The following PHF20 variants were observed in gnomAD, a reference collection of about 807,000 sequenced individuals.
PHF20 encodes the protein glioma-expressed antigen 2.
In PHF20, 23 loss-of-function variants were observed where a neutral mutation model predicts 113.5. That is an observed-to-expected ratio of 0.20 (90% confidence interval 0.15 to 0.29). The LOEUF (loss-of-function observed/expected upper bound fraction) is 0.29. Ranked by LOEUF, PHF20 falls within the 10% of genes least tolerant of loss-of-function variation. The probability of loss-of-function intolerance (pLI) is 1.00; values close to 1 mark genes in which losing one functional copy is unlikely to be tolerated. For missense variants in PHF20, 943 were observed against 1,219.6 expected (o/e 0.77, Z 3.38); for synonymous variants, 434 against 457.3 (o/e 0.95, Z 0.65).
intron 13 of PHF20, among the ~76,000 whole-genome samples, chr20:35,924,785 G>A (rs771892885): frequency 6.6e-6 from 1 of 151,820 alleles, no homozygotes. Flanking sequence ...GTAGAGATGA[G>A]GTCTCACCAT....
chr20:35,895,001 G>A (rs752232456), intron 9 of PHF20, among the ~76,000 whole-genome samples: 6 of 151,844 alleles, frequency 4.0e-5, no homozygotes, highest in Non-Finnish European at 5.9e-5. Flanking sequence ...ATCTACAGGC[G>A]CGCACCATGC....
At chr20:35,891,988 G>C (rs924623169) in intron 9 of PHF20, among the ~76,000 whole-genome samples, 3 of 151,956 alleles carry the variant, frequency 2.0e-5, no homozygotes, top group African/African-American at 7.2e-5. Context: ...ACCTGCCTCA[G>C]CCTCCTGAGA....
At chr20:35,806,847 G>C (rs1342972650) in intron 2 of PHF20, among the ~76,000 whole-genome samples, 5 of 142,664 alleles carry the variant, frequency 3.5e-5, no homozygotes, top group Non-Finnish European at 7.5e-5. Context: ...CCAGGCTGGA[G>C]TGCAGTGGCA....
In PHF20 at chr20:35,938,783, C is replaced by G; in HGVS notation, c.2387C>G (p.Pro796Arg). The G allele has an allele frequency of 2.5e-6, 4 of 1,614,166 alleles. No homozygotes were observed. Among genetic ancestry groups the G allele is most frequent in the Non-Finnish European group, 3.4e-6 (4 of 1,180,008 alleles). ...GGGAGATCTCATTTCAGAAACATCC[C>G]TGTCACTGACACCAGGAGCAAGGAG... The part of the protein sequence containing the change: ...GEGRSHFRNI[P>R]VTDTRSKEEA... Residue 796 changes from proline to arginine, a missense_variant, in exon 16 of 18, where the codon CCT becomes CGT. Transcript: ENST00000374012.
At chr20:35,892,761 G>T (rs1444189598) in intron 9 of PHF20, among the ~76,000 whole-genome samples, 1 of 152,116 alleles carries the variant, frequency 6.6e-6, no homozygotes, top group African/African-American at 2.4e-5. Context: ...TGATGCTTGT[G>T]TTGATTGTTT....
intron 1 of PHF20, among the ~76,000 whole-genome samples, chr20:35,797,081 A>G (rs575820951): frequency 4.7e-4 from 71 of 152,082 alleles, no homozygotes; most frequent in Admixed American, 1.1e-3. Flanking sequence ...GAACTCTTAG[A>G]TTCAAGCTAC....
chr20:35,849,198 T>G (rs1331080496), intron 4 of PHF20, among the ~76,000 whole-genome samples: 1 of 152,022 alleles, frequency 6.6e-6, no homozygotes, highest in Non-Finnish European at 1.5e-5. Flanking sequence ...GGCTGGGTAG[T>G]ACTATTGGCC....
chr20:35,835,937 CAAATA>C (rs1246549164), intron 2 of PHF20, among the ~76,000 whole-genome samples: 4 of 152,066 alleles, frequency 2.6e-5, no homozygotes, highest in Non-Finnish European at 5.9e-5. Context: ...CTCAAAAAAA[CAAATA>C]AAATAAGATA....
At chr20:35,913,181 G>A (rs2055339306) in intron 10 of PHF20, 68 bp from the exon 11 acceptor site, 2 of 1,049,238 alleles carry the variant, frequency 1.9e-6, no homozygotes, top group Non-Finnish European at 2.8e-6. Context: ...TGCTTGCTTA[G>A]GAGAAGAATA....
At chr20:35,869,373 A>G (rs2054376291) in intron 6 of PHF20, 65 bp from the exon 7 acceptor site, 23 of 759,652 alleles carry the variant, frequency 3.0e-5, no homozygotes, top group Non-Finnish European at 4.8e-5. Flanking sequence ...TTTTATTTAT[A>G]TATAAAAATG....
At chr20:35,785,820 T>G (rs1385868911) in intron 1 of PHF20, among the ~76,000 whole-genome samples, 1 of 150,778 alleles carries the variant, frequency 6.6e-6, no homozygotes, top group African/African-American at 2.4e-5. Flanking sequence ...CCCAGCACTT[T>G]GGGAGGCTGA....
At chr20:35,893,955 T>C (rs1230755830) in intron 9 of PHF20, among the ~76,000 whole-genome samples, 6 of 152,208 alleles carry the variant, frequency 3.9e-5, no homozygotes, top group Non-Finnish European at 8.8e-5. Flanking sequence ...GATAAAACAA[T>C]GTTCAGTATT....
At chr20:35,834,232 C>G in intron 2 of PHF20, among the ~76,000 whole-genome samples, 1 of 145,452 alleles carries the variant, frequency 6.9e-6, no homozygotes, top group Non-Finnish European at 1.5e-5. Flanking sequence ...CAGGCTGGTT[C>G]ATTCTACAGC....
chr20:35,811,406 T>A (rs1256924961), intron 2 of PHF20, among the ~76,000 whole-genome samples: 2 of 152,058 alleles, frequency 1.3e-5, no homozygotes, highest in East Asian at 3.9e-4. Flanking sequence ...CTTGAATTAT[T>A]TGTTCTTATT....
At chr20:35,844,102 G>GT (rs1296385299) in intron 3 of PHF20, among the ~76,000 whole-genome samples, 2 of 151,552 alleles carry the variant, frequency 1.3e-5, no homozygotes, top group East Asian at 2.0e-4. Flanking sequence ...CTCAAGAGCC[G>GT]TTTTTTTGGT....
intron 9 of PHF20, among the ~76,000 whole-genome samples, chr20:35,872,920 G>T (rs2054448668): frequency 6.6e-6 from 1 of 152,120 alleles, no homozygotes; most frequent in Non-Finnish European, 1.5e-5. Context: ...GTAGTTGATG[G>T]TGTTTCTCTG....
chr20:35,939,943 G>A (rs2055944719), intron 16 of PHF20, among the ~76,000 whole-genome samples: 1 of 152,194 alleles, frequency 6.6e-6, no homozygotes, highest in Non-Finnish European at 1.5e-5. Flanking sequence ...GGGCAAGGTG[G>A]TAAGAACACA....
Position 35,823,534 on chromosome 20 carries a change from G to A in PHF20, c.84-19039G>A, listed in dbSNP as rs530758143. 4.0e-5 allele frequency among the ~76,000 whole-genome samples: 6 copies of A among 150,758 alleles called. No individual in the cohort carries two copies. The East Asian group carries it at 1.2e-3, about 29-fold the overall frequency. ...AGCTACTCAGGAGGCTGGGGTGGGA[G>A]GAAGACTGCTTGAGCCCAGGAGGTC... On this transcript the variant is annotated intron_variant, in intron 2 of 17. Transcript: ENST00000374012.
At chr20:35,858,459 C>T in intron 5 of PHF20, 78 bp downstream of exon 5, 1 of 763,156 alleles carries the variant, frequency 1.3e-6, no homozygotes, top group Non-Finnish European at 2.2e-6. Flanking sequence ...AAAGACATTA[C>T]ATTTGTTTAT....
Sources: allele counts gnomAD v4.1 joint callset (sites outside exome capture counted in the v4.1 genomes callset), GRCh38; gene constraint gnomAD v4.1.1; transcripts MANE v1.5; gene names NCBI Gene and HGNC (gene_info 2026-07-23, HGNC 2026-07-21).